TSR1: variants seen among roughly 807,000 people sequenced by gnomAD.
TSR1 encodes the protein pre-rRNA-processing protein TSR1 homolog.
A neutral mutation model predicts 90.9 loss-of-function variants in TSR1; 81 were observed. The observed-to-expected ratio is 0.89, with a 90% CI of 0.74 to 1.07. The LOEUF (loss-of-function observed/expected upper bound fraction) is 1.07, where lower values mean the gene tolerates loss of function less well. Among genes scored for constraint, TSR1 ranks in the 50% least tolerant of loss-of-function variants. TSR1 has a pLI of 0.00. For synonymous variants in TSR1, 362 were observed against 348.8 expected (o/e 1.04, Z -0.42); for missense variants, 989 against 987.3 (o/e 1.00, Z -0.02).
intron 10 of TSR1, among the ~76,000 whole-genome samples, chr17:2,329,691 C>A (rs1224711081): frequency 6.6e-6 from 1 of 152,106 alleles, no homozygotes; most frequent in Non-Finnish European, 1.5e-5. Flanking sequence ...AGCTTTCATG[C>A]ACCCTTCAAT....
At chr17:2,331,320 A>G (rs990873394) in intron 8 of TSR1, among the ~76,000 whole-genome samples, 1 of 152,186 alleles carries the variant, frequency 6.6e-6, no homozygotes, top group African/African-American at 2.4e-5. Flanking sequence ...CTGACAAAAA[A>G]GATGCTTGGT....
chr17:2,335,600 A>G lies in TSR1; in HGVS notation c.332T>C (p.Val111Ala). 1.2e-6 allele frequency: 2 copies of G among 1,614,180 alleles called. No individual in the cohort carries two copies. The highest frequency in any genetic ancestry group is 1.7e-5 in the Admixed American group (1 of 60,018). Residue 111 changes from valine (V) to alanine (A), a missense_variant, in exon 3 of 15, where the codon GTA (valine) becomes GCA (alanine). By Grantham distance (64) the Val-to-Ala change is moderately conservative. Transcript: ENST00000301364. Reference protein sequence around the residue: ...QLLQDRDTGTVHLNELGNTQN... With the variant: ...QLLQDRDTGTAHLNELGNTQN... ...GGTGTTTCCCAATTCATTCAAGTGTACTGTTCCAGTGTCCCTATCTTGAAG... is the reference window on the plus strand; with the variant it reads ...GGTGTTTCCCAATTCATTCAAGTGTGCTGTTCCAGTGTCCCTATCTTGAAG...
At position 2,322,581 on chromosome 17, in the gene TSR1, AG is replaced by A. The variant is rs1189218168; in HGVS notation, c.*1614del. On this transcript the variant is annotated 3_prime_UTR_variant, in exon 15 of 15. Transcript: ENST00000301364. ...AGTGGCACGATCTTGGCTCACTGCA[AG>A]CTCCACCTCCCAGGTTCACGCCATT... 2 of 153,224 alleles carry A rather than the reference AG, an allele frequency of 1.3e-5. No homozygotes were observed. The highest frequency in any genetic ancestry group is 3.9e-4 in the East Asian group (2 of 5,192). 9.5% of individuals were successfully genotyped at this position (153,224 alleles called of 1,614,324 possible).
rs988278703 is a variant in TSR1 at position 2,323,089 on chromosome 17, C to G, written c.*1107G>C. ...CCATATTTTCTTTTAGACATGCAGG[C>G]AATGTTGTGGTTTGTTGTTAAGATG... On this transcript the variant is annotated 3_prime_UTR_variant, in exon 15 of 15. Coordinates refer to ENST00000301364, the MANE Select transcript of TSR1 (RefSeq NM_018128.5). 4 of 1,576,924 alleles carry G rather than the reference C, an allele frequency of 2.5e-6. No individual in the cohort carries two copies. In the African/African-American group the frequency reaches 5.4e-5, roughly 21 times the overall value.
Position 2,322,588 on chromosome 17 carries a change from C to A in TSR1, c.*1608G>T, listed in dbSNP as rs2075539878. On this transcript the variant is annotated 3_prime_UTR_variant, in exon 15 of 15. Transcript: ENST00000301364. ...CGATCTTGGCTCACTGCAAGCTCCA[C>A]CTCCCAGGTTCACGCCATTCTCCTG... is the stretch of plus-strand genomic sequence containing the variant. 1 of 153,530 alleles carries A rather than the reference C, an allele frequency of 6.5e-6. No individual in the cohort carries two copies. 9.5% of individuals were successfully genotyped at this position (153,530 alleles called of 1,614,324 possible).
intron 9 of TSR1, 99 bp downstream of exon 9, chr17:2,330,848 C>T (rs1160085094): frequency 7.2e-7 from 1 of 1,388,538 alleles, no homozygotes; most frequent in Non-Finnish European, 9.7e-7. Context: ...CTCCCCTAAT[C>T]CCCAAATGCA....
chr17:2,335,164 C>A (rs754636640), intron 4 of TSR1, 96 bp downstream of exon 4: 2 of 1,336,734 alleles, frequency 1.5e-6, no homozygotes, highest in Non-Finnish European at 2.1e-6. Flanking sequence ...CATCCCACCA[C>A]CAGCTGAATA....
In TSR1 at chr17:2,335,505, T is replaced by C. The variant is rs758590953; in HGVS notation, c.421+6A>G. The C allele has an allele frequency of 6.2e-7, 1 of 1,613,176 alleles. No homozygotes were observed. Among genetic ancestry groups the C allele is most frequent in the East Asian group, 2.2e-5 (1 of 44,842 alleles). On this transcript the variant is annotated splice_donor_region_variant and intron_variant, in intron 3 of 14. Coordinates refer to ENST00000301364, the MANE Select transcript of TSR1 (RefSeq NM_018128.5). The stretch of plus-strand genomic sequence containing the variant: ...CATAATACAAAATATTGGTGTATAC[T>C]CTAACCTGGCCTTGCTGAGGTGAAA...
In TSR1 at chr17:2,323,022, C is replaced by G. The variant is rs1490113355; in HGVS notation, c.*1174G>C. ...TCAGCTGATCCACCCGCCTCGGGCT[C>G]CCAAAGTGTTGGGATTACAGGTGTG... On this transcript the variant is annotated 3_prime_UTR_variant, in exon 15 of 15. Transcript: ENST00000301364. 1 of 1,118,062 alleles carries G rather than the reference C, an allele frequency of 8.9e-7. No homozygotes were observed. The highest frequency in any genetic ancestry group is 1.3e-6 in the Non-Finnish European group (1 of 765,096). The allele number at this position is 1,118,062 out of a possible 1,614,324, so 69.3% of individuals were successfully genotyped here. A position where few individuals can be genotyped will look rare whatever the true frequency, so the allele number is the denominator to read the frequency against.
intron 11 of TSR1, 60 bp from the exon 12 acceptor site, chr17:2,325,480 G>C: frequency 7.5e-7 from 1 of 1,337,810 alleles, no homozygotes; most frequent in Non-Finnish European, 1.1e-6. Flanking sequence ...AGGTGATAGA[G>C]GCCTGTGAAA....
At chr17:2,326,400 T>C (rs547558588) in intron 11 of TSR1, among the ~76,000 whole-genome samples, 1 of 152,192 alleles carries the variant, frequency 6.6e-6, no homozygotes, top group South Asian at 2.1e-4. Flanking sequence ...GAGACAATCA[T>C]TTCTGCTGCA....
At chr17:2,334,964 C>T in intron 4 of TSR1, 68 bp from the exon 5 acceptor site, 1 of 1,507,564 alleles carries the variant, frequency 6.6e-7, no homozygotes, top group Non-Finnish European at 8.9e-7. Context: ...CTGCAGTTCA[C>T]AAACAACCTA....
intron 11 of TSR1, 95 bp from the exon 12 acceptor site, chr17:2,325,515 C>T (rs1597274070): frequency 3.3e-6 from 3 of 915,764 alleles, no homozygotes; most frequent in Non-Finnish European, 1.6e-6. Flanking sequence ...AACTCTTAAA[C>T]CTATGGCAGC....
chr17:2,329,143 C>A (rs759973171), intron 11 of TSR1, 200 bp downstream of exon 11: 1 of 867,054 alleles, frequency 1.2e-6, no homozygotes, highest in East Asian at 2.5e-5. Context: ...CAGTATCACA[C>A]AGAAGTTGCA....
At chr17:2,325,897 C>G (rs1222948804) in intron 11 of TSR1, among the ~76,000 whole-genome samples, 1 of 152,156 alleles carries the variant, frequency 6.6e-6, no homozygotes. Context: ...AGGCGTGAGC[C>G]ACCGCGCCAG....
chr17:2,326,279 A>C (rs2075575515), intron 11 of TSR1, among the ~76,000 whole-genome samples: 1 of 152,190 alleles, frequency 6.6e-6, no homozygotes, highest in Non-Finnish European at 1.5e-5. Context: ...AACACCATTA[A>C]TACTGCTTTC....
In TSR1 at chr17:2,332,344, C is replaced by G; in HGVS notation, c.1321G>C (p.Glu441Gln). The change falls in exon 8 of 15, where the codon GAA (glutamate) becomes CAA (glutamine). Residue 441 changes from glutamate (E) to glutamine (Q), a missense_variant. Transcript: ENST00000301364. ...EEESQDESSE[E>Q]EEEYETMTIG... ...GTCATAGTTTCATATTCTTCCTCTT[C>G]TTCACTACTCTCATCCTGTAGAATA... is the stretch of plus-strand genomic sequence containing the variant. The G allele has an allele frequency of 4.4e-6, 7 of 1,603,094 alleles. No homozygotes were observed. Among genetic ancestry groups the G allele is most frequent in the Non-Finnish European group, 5.1e-6 (6 of 1,176,976 alleles).
At position 2,324,744 on chromosome 17, in the gene TSR1, A is replaced by G; in HGVS notation, c.2106T>C (p.His702=). 3 of 1,614,230 alleles carry G rather than the reference A, an allele frequency of 1.9e-6. No homozygotes were observed. The highest frequency in any genetic ancestry group is 2.5e-6 in the Non-Finnish European group (3 of 1,180,040). Residue 702 remains histidine (H), a synonymous_variant, in exon 13 of 15, where the codon CAT becomes CAC. Coordinates refer to ENST00000301364, the MANE Select transcript of TSR1 (RefSeq NM_018128.5). ...MVIKRVVLSG[H]PFKIFTKMAV... is the part of the protein sequence containing the mutation. ...CCATCTTAGTAAAAATTTTGAAAGG[A>G]TGACCACTCAGAACAACTCTCTTGA... is the stretch of plus-strand genomic sequence containing the variant.
At chr17:2,334,187 A>G (rs1353011996) in intron 5 of TSR1, among the ~76,000 whole-genome samples, 1 of 152,122 alleles carries the variant, frequency 6.6e-6, no homozygotes, top group African/African-American at 2.4e-5. Flanking sequence ...TGCTATCTCA[A>G]TCTTTATTTC....
Sources: allele counts gnomAD v4.1 joint callset (sites outside exome capture counted in the v4.1 genomes callset), GRCh38; gene constraint gnomAD v4.1.1; transcripts MANE v1.5; gene names NCBI Gene and HGNC (gene_info 2026-07-23, HGNC 2026-07-21).